EXT2: variants seen among roughly 807,000 people sequenced by gnomAD.
EXT2 encodes exostosin-2.
In EXT2, 53 loss-of-function variants were observed where a neutral mutation model predicts 81.6. That is an observed-to-expected ratio of 0.65 (90% CI 0.52 to 0.82). EXT2 has a LOEUF of 0.82. Among genes scored for constraint, EXT2 ranks in the 40% least tolerant of loss-of-function variants. The probability of loss-of-function intolerance (pLI) is 0.00; values close to 1 mark genes in which losing one functional copy is unlikely to be tolerated. For missense variants in EXT2, 774 were observed against 910.2 expected (o/e 0.85, Z 1.93); for synonymous variants, 320 against 340.0 (o/e 0.94, Z 0.65).
Position 44,220,844 on chromosome 11 carries a change from C to T in EXT2, c.1663-11509C>T, listed in dbSNP as rs1228229315. Among the ~76,000 whole-genome samples the T allele has an allele frequency of 1.3e-5, 2 of 152,126 alleles. No individual in the cohort carries two copies. The highest frequency in any genetic ancestry group is 1.9e-4 in the East Asian group (1 of 5,196). On this transcript the variant is annotated intron_variant, in intron 10 of 13. Coordinates refer to ENST00000533608, the MANE Select transcript of EXT2 (RefSeq NM_207122.2). This position sits in a 1 kb window ranked among gnomAD's most constrained non-coding sequence, Gnocchi z 4.4. ...AGCCCAGGGAGGTGCTGAAGGAAGC[C>T]GCAGTAAAGCCTGACCTCTCAGAGC...
chr11:44,171,391 G>T (rs1488972650), intron 7 of EXT2, among the ~76,000 whole-genome samples: 2 of 152,192 alleles, frequency 1.3e-5, no homozygotes, highest in Non-Finnish European at 2.9e-5. Context: ...AATCCAATGT[G>T]CATTTCACTT....
chr11:44,226,687 C>T (rs976051685), intron 10 of EXT2, among the ~76,000 whole-genome samples: 4 of 152,242 alleles, frequency 2.6e-5, no homozygotes, highest in African/African-American at 4.8e-5. Flanking sequence ...CAGCCAGCTG[C>T]CCCTTTCCCA....
At chr11:44,108,326 G>A in intron 2 of EXT2, 78 bp downstream of exon 2, 1 of 1,471,942 alleles carries the variant, frequency 6.8e-7, no homozygotes, top group Non-Finnish European at 9.3e-7. Context: ...GGGAAGGATG[G>A]GAATGCTTCT....
intron 8 of EXT2, among the ~76,000 whole-genome samples, chr11:44,185,258 C>T (rs1366274081): frequency 6.6e-6 from 1 of 152,238 alleles, no homozygotes; most frequent in East Asian, 1.9e-4. Context: ...CTCTGCGGTG[C>T]CACAGTGCCA....
Position 44,124,925 on chromosome 11 carries a change from C to T in EXT2, c.880C>T (p.Leu294Phe). Reference protein sequence around the residue: ...DKCTNLSEGVLSVRKRCHKHQ... With the variant: ...DKCTNLSEGVFSVRKRCHKHQ... ...ATGCACCAACCTCTCAGAGGGTGTC[C>T]TTTCTGTCCGTAAGCGCTGCCACAA... Residue 294 changes from leucine (L) to phenylalanine (F), a missense_variant, in exon 5 of 14, where the codon CTT becomes TTT. Physicochemically the swap from Leu to Phe is conservative, Grantham distance 22 (BLOSUM62 0). Coordinates refer to ENST00000533608, the MANE Select transcript of EXT2 (RefSeq NM_207122.2). 6.2e-7 allele frequency: 1 copy of T among 1,613,976 alleles called. No individual in the cohort carries two copies. Among genetic ancestry groups the T allele is most frequent in the South Asian group, 1.1e-5 (1 of 91,074 alleles).
intron 7 of EXT2, among the ~76,000 whole-genome samples, chr11:44,161,698 T>C (rs758246470): frequency 5.3e-4 from 81 of 152,052 alleles, no homozygotes; most frequent in Non-Finnish European, 1.1e-3. Context: ...ATGGGAACAG[T>C]AGTAATTTAG....
At chr11:44,237,308 G>A (rs938415035) in intron 13 of EXT2, among the ~76,000 whole-genome samples, 15 of 151,894 alleles carry the variant, frequency 9.9e-5, no homozygotes, top group Non-Finnish European at 1.8e-4. Context: ...TGTTTCAGTT[G>A]GCCTGGCTTC....
chr11:44,101,703 G>A (rs1953984861), intron 1 of EXT2, among the ~76,000 whole-genome samples: 3 of 152,162 alleles, frequency 2.0e-5, no homozygotes, highest in Non-Finnish European at 2.9e-5. Flanking sequence ...GGACAAGATT[G>A]ACCTTAGGAG....
chr11:44,152,721 AAAATCTGTCTAG>A (rs1311374070), intron 7 of EXT2, among the ~76,000 whole-genome samples: 1 of 152,158 alleles, frequency 6.6e-6, no homozygotes, highest in Non-Finnish European at 1.5e-5. Flanking sequence ...TGAAGGATGT[AAAATCTGTCTAG>A]ATTTTTTTGT....
At position 44,122,056 on chromosome 11, in the gene EXT2, G is replaced by C. The variant is rs146471143; in HGVS notation, c.744-2733G>C. ...GACATCCTCTTTACTCCTCTTGGAT[G>C]CCCACCTGTTTATTCTTTTTCTGGA... On this transcript the variant is annotated intron_variant, in intron 4 of 13. Coordinates refer to ENST00000533608, the MANE Select transcript of EXT2 (RefSeq NM_207122.2). Among the ~76,000 whole-genome samples the C allele has an allele frequency of 3.3e-3, 509 of 152,112 alleles. 3 individuals are homozygous for C. Among genetic ancestry groups the C allele is most frequent in the African/African-American group, 0.012 (481 of 41,466 alleles).
chr11:44,173,856 C>T (rs770269285), intron 8 of EXT2, among the ~76,000 whole-genome samples: 1 of 151,982 alleles, frequency 6.6e-6, no homozygotes, highest in Non-Finnish European at 1.5e-5. Context: ...TGTGAGCCAC[C>T]GCGCCCGGCC....
At chr11:44,164,456 AC>A (rs1954966160) in intron 7 of EXT2, among the ~76,000 whole-genome samples, 1 of 152,180 alleles carries the variant, frequency 6.6e-6, no homozygotes, top group Non-Finnish European at 1.5e-5. Flanking sequence ...TGTTCTTTCC[AC>A]TATGCCACAC....
At position 44,210,767 on chromosome 11, in the gene EXT2, A is replaced by G. The variant is rs149328820; in HGVS notation, c.1662+3808A>G. ...AAAAATACAACAAAATGTGTGCCAG[A>G]TATGTTTAGTGAAACCTAAAAAATG... On this transcript the variant is annotated intron_variant, in intron 10 of 13. Coordinates refer to ENST00000533608, the MANE Select transcript of EXT2 (RefSeq NM_207122.2). Among the ~76,000 whole-genome samples, 3 of 152,368 alleles carry G rather than the reference A, an allele frequency of 2.0e-5. No individual in the cohort carries two copies. In the East Asian group the frequency reaches 5.8e-4, roughly 29 times the overall value.
chr11:44,119,191 C>G (rs59730448), intron 4 of EXT2, among the ~76,000 whole-genome samples: 8,351 of 126,412 alleles, frequency 0.066, 484 homozygotes, highest in Middle Eastern at 0.13. Flanking sequence ...CACACACACA[C>G]ACATTTTTGA....
chr11:44,104,769 A>G (rs1335886499), intron 1 of EXT2: 1 of 152,222 alleles, frequency 6.6e-6, no homozygotes, highest in Non-Finnish European at 1.5e-5. Flanking sequence ...AATGGCAAGG[A>G]AGCCATACCA....
rs143595300 is a variant in EXT2, at chr11:44,171,593, G to T, written c.1174-18G>T. 26,203 of 1,614,062 alleles carry T rather than the reference G, an allele frequency of 0.016. 251 individuals carry two copies. The highest frequency in any genetic ancestry group is 0.02 in the Non-Finnish European group (23,845 of 1,179,984). On this transcript the variant is annotated intron_variant, in intron 7 of 13. Coordinates refer to ENST00000533608, the MANE Select transcript of EXT2 (RefSeq NM_207122.2). ...CTGTCTCGCTTGCTCACTTAAAACAGCATTATTTTCTTTATAGGCCCGGTG... is the reference window on the plus strand; with the variant it reads ...CTGTCTCGCTTGCTCACTTAAAACATCATTATTTTCTTTATAGGCCCGGTG...
At chr11:44,235,750 T>G (rs1955956222) in intron 12 of EXT2, among the ~76,000 whole-genome samples, 1 of 152,088 alleles carries the variant, frequency 6.6e-6, no homozygotes, top group South Asian at 2.1e-4. Context: ...TAGTTAAGGT[T>G]TGAGAGTGTA....
intron 8 of EXT2, among the ~76,000 whole-genome samples, chr11:44,175,790 A>G (rs1405007048): frequency 1.3e-5 from 2 of 152,168 alleles, no homozygotes; most frequent in Non-Finnish European, 2.9e-5. Flanking sequence ...AGAAAGAGGG[A>G]TGGAGAGAGG....
intron 12 of EXT2, among the ~76,000 whole-genome samples, chr11:44,234,599 G>T (rs958138785): frequency 3.3e-5 from 5 of 149,306 alleles, no homozygotes; most frequent in East Asian, 2.0e-4. Context: ...AAGGTAGCTG[G>T]TTTTTTTTTT....
Sources: allele counts gnomAD v4.1 joint callset (sites outside exome capture counted in the v4.1 genomes callset), GRCh38; gene constraint gnomAD v4.1.1; non-coding constraint Gnocchi (gnomAD v3.1); transcripts MANE v1.5; gene names NCBI Gene and HGNC (gene_info 2026-07-23, HGNC 2026-07-21).